The following OSBPL10 variants were observed in gnomAD, a reference collection of about 807,000 sequenced individuals.
OSBPL10 encodes the protein oxysterol-binding protein-related protein 10.
Under a neutral mutation model 81.7 loss-of-function variants are expected in OSBPL10, and 49 were observed. The ratio of observed to expected loss-of-function variants is 0.60; its 90% CI spans 0.48 to 0.76. The LOEUF (loss-of-function observed/expected upper bound fraction) is 0.76, where lower values mean the gene tolerates loss of function less well. Among genes scored for constraint, OSBPL10 ranks in the 30% least tolerant of loss-of-function variants. The pLI is 0.00. For synonymous variants in OSBPL10, 419 were observed against 383.6 expected, an observed-to-expected ratio of 1.09 and a Z score of -1.08; for missense variants, 923 against 987.8, an observed-to-expected ratio of 0.93 and a Z score of 0.88.
chr3:31,995,636 C>T (rs930219960), intron 2 of OSBPL10, among the ~76,000 whole-genome samples: 4 of 152,124 alleles, frequency 2.6e-5, no homozygotes, highest in African/African-American at 7.2e-5. Context: ...TGATGTACAT[C>T]CTCAGCTTAC....
intron 1 of OSBPL10, among the ~76,000 whole-genome samples, chr3:32,076,017 C>A (rs1029120215): frequency 6.6e-6 from 1 of 152,146 alleles, no homozygotes; most frequent in African/African-American, 2.4e-5. Flanking sequence ...TTTGTGAGAT[C>A]CACCCCCTGC....
chr3:31,980,763 T>C (rs1698812740), intron 1 of OSBPL10, 136 bp downstream of exon 1: 2 of 1,145,224 alleles, frequency 1.7e-6, no homozygotes, highest in African/African-American at 1.6e-5. Flanking sequence ...AAGGGCACCG[T>C]TGGGAGGCAT....
chr3:31,860,198 T>C (rs1575587376), intron 3 of OSBPL10, among the ~76,000 whole-genome samples: 2 of 152,162 alleles, frequency 1.3e-5, no homozygotes, highest in African/African-American at 4.8e-5. Flanking sequence ...TGAAGAAGCC[T>C]GCACCTCGGC....
intron 2 of OSBPL10, among the ~76,000 whole-genome samples, chr3:32,001,162 T>G (rs1699141019): frequency 6.6e-6 from 1 of 152,190 alleles, no homozygotes; most frequent in Non-Finnish European, 1.5e-5. Context: ...ATAAGCTCCC[T>G]CATTGTTTCA....
intron 1 of OSBPL10, among the ~76,000 whole-genome samples, chr3:31,936,408 T>C (rs1697381145): frequency 6.6e-6 from 1 of 152,238 alleles, no homozygotes; most frequent in Non-Finnish European, 1.5e-5. Context: ...ACTCTAGTAT[T>C]ACTTCCAAGA....
At chr3:32,005,868 G>T (rs1044101385) in intron 2 of OSBPL10, among the ~76,000 whole-genome samples, 1 of 152,082 alleles carries the variant, frequency 6.6e-6, no homozygotes, top group Non-Finnish European at 1.5e-5. Context: ...ATTACAGGGT[G>T]AGCCACCGTG....
At chr3:31,850,363 G>GAGCT (rs779394703) in intron 3 of OSBPL10, among the ~76,000 whole-genome samples, 2 of 151,828 alleles carry the variant, frequency 1.3e-5, no homozygotes, top group Non-Finnish European at 2.9e-5. Context: ...AAAATTCCAA[G>GAGCT]AGCTAGTAAG....
intron 1 of OSBPL10, among the ~76,000 whole-genome samples, chr3:31,911,658 T>G (rs1315546755): frequency 1.3e-5 from 2 of 150,768 alleles, no homozygotes; most frequent in Admixed American, 1.3e-4. Flanking sequence ...TTAAGAAAAG[T>G]TTACAAATTT....
intron 1 of OSBPL10, among the ~76,000 whole-genome samples, chr3:32,076,847 G>A (rs1699881324): frequency 2.0e-5 from 3 of 151,884 alleles, no homozygotes; most frequent in Admixed American, 6.6e-5. Context: ...CCTGGGTTGG[G>A]GCCACAAGGT....
At chr3:31,749,371 G>A (rs1285970345) in intron 4 of OSBPL10, among the ~76,000 whole-genome samples, 3 of 152,150 alleles carry the variant, frequency 2.0e-5, no homozygotes, top group South Asian at 2.1e-4. Flanking sequence ...TGGTTTGAGC[G>A]TTCTCATCTT....
chr3:31,910,050 C>T (rs1005974170), intron 1 of OSBPL10, among the ~76,000 whole-genome samples: 1 of 148,318 alleles, frequency 6.7e-6, no homozygotes, highest in Non-Finnish European at 1.5e-5. Context: ...GGCACAATCT[C>T]GGCTCACTGC....
chr3:31,764,551 G>C (rs1370327087), intron 4 of OSBPL10, among the ~76,000 whole-genome samples: 1 of 152,228 alleles, frequency 6.6e-6, no homozygotes, highest in Non-Finnish European at 1.5e-5. Flanking sequence ...AAAGCTTCTA[G>C]AAGTTTTAAG....
intron 1 of OSBPL10, among the ~76,000 whole-genome samples, chr3:31,918,980 C>T (rs934799144): frequency 6.6e-6 from 1 of 152,214 alleles, no homozygotes; most frequent in African/African-American, 2.4e-5. Flanking sequence ...GAGGCACTCA[C>T]AGCCTGGATC....
intron 1 of OSBPL10, among the ~76,000 whole-genome samples, chr3:31,922,879 CA>C (rs1354664120): frequency 1.3e-5 from 2 of 152,000 alleles, no homozygotes; most frequent in East Asian, 3.9e-4. Flanking sequence ...TGCTGGCACT[CA>C]GCAACAATAA....
chr3:31,929,971 C>A (rs1389021541), intron 1 of OSBPL10, among the ~76,000 whole-genome samples: 2 of 130,464 alleles, frequency 1.5e-5, no homozygotes, highest in Non-Finnish European at 3.1e-5. Flanking sequence ...TGCCCTCCAG[C>A]CTGGGTGATC....
intron 1 of OSBPL10, among the ~76,000 whole-genome samples, chr3:32,076,430 A>T (rs1553653271): frequency 6.6e-6 from 1 of 151,752 alleles, no homozygotes; most frequent in Non-Finnish European, 1.5e-5. Context: ...GCCTGCCTGC[A>T]CCCAGGTGAA....
intron 3 of OSBPL10, among the ~76,000 whole-genome samples, chr3:31,873,722 G>T (rs1181945015): frequency 1.3e-5 from 2 of 152,156 alleles, no homozygotes; most frequent in Non-Finnish European, 2.9e-5. Context: ...TGAAGAGGAG[G>T]CTTGGCATAT....
intron 2 of OSBPL10, among the ~76,000 whole-genome samples, chr3:32,024,605 C>G (rs574385513): frequency 2.0e-4 from 30 of 151,638 alleles, no homozygotes; most frequent in East Asian, 3.9e-4. Context: ...CTGCCTCAGC[C>G]CCCCCAGTAG....
chr3:32,017,155 T>C (rs1464881474), intron 2 of OSBPL10, among the ~76,000 whole-genome samples: 1 of 152,198 alleles, frequency 6.6e-6, no homozygotes, highest in Non-Finnish European at 1.5e-5. Context: ...GCCAAACACA[T>C]ATTAATTTCT....
Sources: allele counts gnomAD v4.1 joint callset (sites outside exome capture counted in the v4.1 genomes callset), GRCh38; gene constraint gnomAD v4.1.1; transcripts MANE v1.5; gene names NCBI Gene and HGNC (gene_info 2026-07-23, HGNC 2026-07-21).